GRAMD1C: variants seen among roughly 807,000 people sequenced by gnomAD.
The protein encoded by GRAMD1C is GRAM domain containing 1C, also known as protein Aster-C.
A neutral mutation model predicts 97.8 loss-of-function variants in GRAMD1C; 89 were observed. The observed-to-expected ratio is 0.91, with a 90% CI of 0.77 to 1.09. The LOEUF (loss-of-function observed/expected upper bound fraction) is 1.09. Among genes scored for constraint, GRAMD1C ranks in the 50% least tolerant of loss-of-function variants. GRAMD1C has a pLI of 0.00. For missense variants in GRAMD1C, 740 were observed against 766.4 expected, an observed-to-expected ratio of 0.97 and a Z score of 0.41; for synonymous variants, 256 against 267.0, an observed-to-expected ratio of 0.96 and a Z score of 0.40.
At chr3:113,936,481 C>G (rs1268525467) in intron 14 of GRAMD1C, 39 bp downstream of exon 14, 2 of 1,376,196 alleles carry the variant, frequency 1.5e-6, no homozygotes, top group Non-Finnish European at 2.0e-6. Context: ...AAGATTTTTA[C>G]TTTAGTTATA....
chr3:113,931,314 A>T (rs1046952627), intron 11 of GRAMD1C, among the ~76,000 whole-genome samples: 2 of 151,730 alleles, frequency 1.3e-5, no homozygotes, highest in African/African-American at 4.8e-5. Flanking sequence ...CTAGTTGATG[A>T]GCTCCTGAGG....
intron 6 of GRAMD1C, among the ~76,000 whole-genome samples, chr3:113,895,454 G>A (rs1407296555): frequency 6.6e-6 from 1 of 152,118 alleles, no homozygotes; most frequent in Non-Finnish European, 1.5e-5. Context: ...GTCAGCCACT[G>A]AGACCTTTTG....
intron 1 of GRAMD1C, among the ~76,000 whole-genome samples, chr3:113,833,145 C>T (rs111655659): frequency 0.022 from 2,593 of 117,390 alleles, 88 homozygotes; most frequent in African/African-American, 0.077. Flanking sequence ...TGTGTGTGTG[C>T]GTGTGTGTGT....
chr3:113,836,523 C>G (rs1299345645), upstream of GRAMD1C, among the ~76,000 whole-genome samples: 2 of 106,946 alleles, frequency 1.9e-5, no homozygotes, highest in Non-Finnish European at 4.1e-5. Flanking sequence ...TACTTCACTC[C>G]TAAATACTTT....
intron 15 of GRAMD1C, 84 bp downstream of exon 15, chr3:113,938,227 ATAT>A: frequency 1.6e-6 from 1 of 636,964 alleles, no homozygotes; most frequent in Non-Finnish European, 2.6e-6. Context: ...ATGTATTTGT[ATAT>A]TATTGTGTAG....
intron 6 of GRAMD1C, among the ~76,000 whole-genome samples, chr3:113,895,399 G>A (rs1221655008): frequency 6.6e-6 from 1 of 152,122 alleles, no homozygotes; most frequent in Non-Finnish European, 1.5e-5. Context: ...GATAGTGACA[G>A]CTCTGAGGCT....
chr3:113,897,552 A>G, intron 6 of GRAMD1C: 1 of 983,050 alleles, frequency 1.0e-6, no homozygotes, highest in Non-Finnish European at 1.2e-6. Flanking sequence ...AGGAAGTGAC[A>G]GATAATGTGC....
intron 1 of GRAMD1C, among the ~76,000 whole-genome samples, chr3:113,830,782 C>A (rs1709547283): frequency 6.6e-6 from 1 of 152,210 alleles, no homozygotes; most frequent in Non-Finnish European, 1.5e-5. Flanking sequence ...CATCCCCATA[C>A]CTAACCATAG....
chr3:113,851,098 G>A (rs1933884342), intron 2 of GRAMD1C, among the ~76,000 whole-genome samples: 1 of 152,098 alleles, frequency 6.6e-6, no homozygotes, highest in Non-Finnish European at 1.5e-5. Context: ...CACTGCACCC[G>A]GCCTATACTT....
chr3:113,832,673 T>A (rs1461424218), intron 1 of GRAMD1C, among the ~76,000 whole-genome samples: 1 of 152,192 alleles, frequency 6.6e-6, no homozygotes, highest in Non-Finnish European at 1.5e-5. Flanking sequence ...AGGTACCTCA[T>A]ACAAGTCAAA....
chr3:113,919,299 A>T, intron 10 of GRAMD1C: 1 of 475,480 alleles, frequency 2.1e-6, no homozygotes, highest in Admixed American at 2.4e-5. Flanking sequence ...CAGGAAAATG[A>T]CAGAAATGAA....
intron 6 of GRAMD1C, among the ~76,000 whole-genome samples, chr3:113,892,333 G>T (rs534333341): frequency 9.9e-5 from 15 of 151,960 alleles, no homozygotes; most frequent in Admixed American, 3.9e-4. Context: ...TCAGCTGCGC[G>T]TGGTGGCAGG....
intron 5 of GRAMD1C, among the ~76,000 whole-genome samples, chr3:113,881,043 G>A (rs563405867): frequency 1.3e-5 from 2 of 152,066 alleles, no homozygotes; most frequent in Non-Finnish European, 2.9e-5. Flanking sequence ...GTTGTTTTGG[G>A]TTCTAGAATA....
chr3:113,944,300 CGT>C (rs1329630790), intron 17 of GRAMD1C, among the ~76,000 whole-genome samples: 1 of 152,156 alleles, frequency 6.6e-6, no homozygotes, highest in African/African-American at 2.4e-5. Flanking sequence ...TCATAGGAGC[CGT>C]CATGACCTAA....
chr3:113,866,031 G>A (rs549513302), intron 2 of GRAMD1C, among the ~76,000 whole-genome samples: 2 of 151,278 alleles, frequency 1.3e-5, no homozygotes, highest in East Asian at 1.9e-4. Flanking sequence ...TGTTCCATCC[G>A]TGCTTGAAAA....
intron 1 of GRAMD1C, among the ~76,000 whole-genome samples, chr3:113,840,719 G>A (rs1379843217): frequency 1.3e-5 from 2 of 152,206 alleles, no homozygotes; most frequent in Non-Finnish European, 2.9e-5. Context: ...TTGTGCCATT[G>A]CACTCCAGCC....
rs1192765246 is a variant in GRAMD1C at position 113,945,511 on chromosome 3, G to C, written c.*33G>C. ...AAGGACTAAAACCGCAGAGATACTT[G>C]GAACTTAAAGAAAATACCTGGAAGA... is the stretch of plus-strand genomic sequence containing the variant. On this transcript the variant is annotated 3_prime_UTR_variant, in exon 18 of 18. Coordinates refer to ENST00000358160, the MANE Select transcript of GRAMD1C (RefSeq NM_017577.5). 26 of 1,125,946 alleles carry C rather than the reference G, an allele frequency of 2.3e-5. No individual in the cohort carries two copies. Among genetic ancestry groups the C allele is most frequent in the Non-Finnish European group, 3.5e-5 (26 of 751,508 alleles). 69.7% of individuals were successfully genotyped at this position (1,125,946 alleles called of 1,614,324 possible).
At chr3:113,849,610 G>A (rs1437089498) in intron 2 of GRAMD1C, among the ~76,000 whole-genome samples, 1 of 151,964 alleles carries the variant, frequency 6.6e-6, no homozygotes. Context: ...CAGGGTTGGG[G>A]GTAAGGTCAC....
chr3:113,894,249 G>T (rs1935847288), intron 6 of GRAMD1C, among the ~76,000 whole-genome samples: 1 of 151,882 alleles, frequency 6.6e-6, no homozygotes. Context: ...TTATAATATA[G>T]GCAGGATGTA....
Sources: gnomAD v4.1 joint callset for allele counts (sites outside exome capture counted in the v4.1 genomes callset) on GRCh38, gnomAD v4.1.1 for gene constraint, MANE v1.5 for transcripts, NCBI Gene and HGNC (gene_info 2026-07-23, HGNC 2026-07-21) for gene names.